GALNT13: variants seen among roughly 807,000 people sequenced by gnomAD.
GALNT13 encodes UDP-GalNAc:polypeptide N-acetylgalactosaminyltransferase 13.
GALNT13 carries 28 observed loss-of-function variants against 64.2 expected under a neutral mutation model. The ratio of observed to expected loss-of-function variants is 0.44; its 90% CI spans 0.32 to 0.60. The LOEUF (loss-of-function observed/expected upper bound fraction) is 0.60. GALNT13 is among the 20% of genes least tolerant of loss of function. The pLI is 0.05. For missense variants in GALNT13, 577 were observed against 669.8 expected (o/e 0.86, Z 1.53); for synonymous variants, 214 against 224.6 (o/e 0.95, Z 0.42).
chr2:153,780,209 T>G, the GALNT13 span, among the ~76,000 whole-genome samples: 1 of 128,038 alleles, frequency 7.8e-6, no homozygotes, highest in African/African-American at 3.1e-5. Context: ...TGGAAAGAAT[T>G]TGAAGATATA....
the GALNT13 span, among the ~76,000 whole-genome samples, chr2:153,424,187 T>C: frequency 6.6e-6 from 1 of 150,936 alleles, no homozygotes; most frequent in South Asian, 2.1e-4. Flanking sequence ...CAGAAATAAC[T>C]AAGATCAAAT....
chr2:153,738,848 C>T, the GALNT13 span, among the ~76,000 whole-genome samples: 19 of 151,900 alleles, frequency 1.3e-4, 1 homozygote, highest in South Asian at 3.7e-3. Context: ...AGAAATTGTT[C>T]CATTGTCTTC....
At chr2:153,965,027 A>G (rs1011856481) in intron 3 of GALNT13, among the ~76,000 whole-genome samples, 13 of 152,112 alleles carry the variant, frequency 8.5e-5, no homozygotes, top group Admixed American at 8.5e-4. Flanking sequence ...TGAAAATGTG[A>G]TGAATTTTTT....
chr2:153,615,896 A>G, the GALNT13 span, among the ~76,000 whole-genome samples: 2 of 151,756 alleles, frequency 1.3e-5, no homozygotes, highest in African/African-American at 4.8e-5. Flanking sequence ...TTGTCTCACT[A>G]CTTTGTTGTT....
chr2:154,428,872 C>G (rs1025974653), intron 11 of GALNT13, among the ~76,000 whole-genome samples: 1 of 151,988 alleles, frequency 6.6e-6, no homozygotes, highest in Non-Finnish European at 1.5e-5. Flanking sequence ...AGCTCCGCCT[C>G]CCGGGTTCAT....
the GALNT13 span, among the ~76,000 whole-genome samples, chr2:153,504,892 T>A: frequency 6.6e-6 from 1 of 152,186 alleles, no homozygotes; most frequent in East Asian, 1.9e-4. Flanking sequence ...TAATACCGGC[T>A]TCATAGAATG....
intron 4 of GALNT13, among the ~76,000 whole-genome samples, chr2:154,234,969 G>T (rs562083521): frequency 1.6e-4 from 25 of 152,254 alleles, no homozygotes; most frequent in Admixed American, 3.3e-4. Context: ...AGGGAAGGGG[G>T]CCGTATATTC....
intron 9 of GALNT13, among the ~76,000 whole-genome samples, chr2:154,327,457 G>T (rs1159078040): frequency 2.0e-5 from 3 of 152,030 alleles, no homozygotes; most frequent in Admixed American, 6.6e-5. Flanking sequence ...ATCCAAGTTG[G>T]GGATTTGCAG....
At chr2:153,218,866 T>A in the GALNT13 span, among the ~76,000 whole-genome samples, 138 of 152,326 alleles carry the variant, frequency 9.1e-4, 1 homozygote, top group Middle Eastern at 0.014. Context: ...TCTCCTTAGA[T>A]TTTGGACTAG....
the GALNT13 span, among the ~76,000 whole-genome samples, chr2:153,161,975 T>C: frequency 6.6e-6 from 1 of 152,154 alleles, no homozygotes; most frequent in Non-Finnish European, 1.5e-5. Flanking sequence ...GTTAGACAAA[T>C]TGCTAAGATT....
chr2:154,192,183 G>A (rs969782349), intron 4 of GALNT13, among the ~76,000 whole-genome samples: 2 of 152,250 alleles, frequency 1.3e-5, no homozygotes, highest in Admixed American at 1.3e-4. Flanking sequence ...AGGCCGGTGC[G>A]TTTCTCTCCA....
chr2:153,730,375 A>G, the GALNT13 span, among the ~76,000 whole-genome samples: 1 of 151,924 alleles, frequency 6.6e-6, no homozygotes, highest in African/African-American at 2.4e-5. Flanking sequence ...AATTGGTACT[A>G]GAAAAATTGG....
At position 153,872,148 on chromosome 2, in the gene GALNT13, C is replaced by T. The variant is rs1429148761; in HGVS notation, c.-332C>T. The T allele has an allele frequency of 1.3e-5, 2 of 149,620 alleles. No homozygotes were observed. Among genetic ancestry groups the T allele is most frequent in the African/African-American group, 4.9e-5 (2 of 40,654 alleles). 9.3% of individuals were successfully genotyped at this position (149,620 alleles called of 1,614,324 possible). The stretch of plus-strand genomic sequence containing the variant: ...CGCGGGCGGGAGCCGGGGCTGCGCG[C>T]GGCGCTCGCGGGCCGGCGCGGGTTC... On this transcript the variant is annotated 5_prime_UTR_variant, in exon 1 of 13. Transcript: ENST00000392825.
chr2:153,685,412 A>T, the GALNT13 span, among the ~76,000 whole-genome samples: 1 of 152,004 alleles, frequency 6.6e-6, no homozygotes, highest in Non-Finnish European at 1.5e-5. Flanking sequence ...TTCTCTAATG[A>T]TCAGTGAAGT....
chr2:154,247,271 T>C (rs1384255246), intron 7 of GALNT13, among the ~76,000 whole-genome samples: 1 of 152,030 alleles, frequency 6.6e-6, no homozygotes. Flanking sequence ...ATTCACCAAG[T>C]CTTATTGATA....
At chr2:154,136,395 T>C (rs1339024042) in intron 3 of GALNT13, among the ~76,000 whole-genome samples, 1 of 152,168 alleles carries the variant, frequency 6.6e-6, no homozygotes, top group Non-Finnish European at 1.5e-5. Context: ...TTGTTGTTTG[T>C]TTTTGCTTCA....
chr2:153,861,559 C>CTTTTTTTTT, the GALNT13 span, among the ~76,000 whole-genome samples: 42 of 118,188 alleles, frequency 3.6e-4, no homozygotes, highest in East Asian at 1.5e-3. Context: ...TTCTTTCTTT[C>CTTTTTTTTT]TTTTTTTTTT....
At chr2:154,208,696 C>T (rs923588460) in intron 4 of GALNT13, among the ~76,000 whole-genome samples, 4 of 149,910 alleles carry the variant, frequency 2.7e-5, no homozygotes, top group African/African-American at 9.8e-5. Flanking sequence ...ATGCCTAGAA[C>T]AGTGCTGGTC....
the GALNT13 span, among the ~76,000 whole-genome samples, chr2:153,094,188 G>A: frequency 6.6e-6 from 1 of 151,592 alleles, no homozygotes; most frequent in Non-Finnish European, 1.5e-5. Flanking sequence ...TTAAATTTGG[G>A]TTTGGTTTTC....
Sources: gnomAD v4.1 joint callset for allele counts (sites outside exome capture counted in the v4.1 genomes callset) on GRCh38, gnomAD v4.1.1 for gene constraint, MANE v1.5 for transcripts, NCBI Gene and HGNC (gene_info 2026-07-23, HGNC 2026-07-21) for gene names.